GRM8: variants seen among roughly 807,000 people sequenced by gnomAD.
GRM8 encodes the protein metabotropic glutamate receptor 8.
A neutral mutation model predicts 87.2 loss-of-function variants in GRM8; 47 were observed. That is an observed-to-expected ratio of 0.54 (90% CI 0.43 to 0.69). The LOEUF (loss-of-function observed/expected upper bound fraction) is 0.69. Ranked by LOEUF, GRM8 falls within the 30% of genes least tolerant of loss-of-function variation. GRM8 has a pLI of 0.00. For synonymous variants in GRM8, 396 were observed against 404.5 expected (o/e 0.98, Z 0.25); for missense variants, 1,019 against 1,139.2 (o/e 0.89, Z 1.52).
At chr7:126,582,390 C>T (rs1795695284) in intron 8 of GRM8, among the ~76,000 whole-genome samples, 1 of 152,124 alleles carries the variant, frequency 6.6e-6, no homozygotes, top group African/African-American at 2.4e-5. Context: ...TCGAAGACAG[C>T]AGAGGTTTGT....
At chr7:126,581,210 G>A (rs545584282) in intron 8 of GRM8, among the ~76,000 whole-genome samples, 31 of 152,220 alleles carry the variant, frequency 2.0e-4, no homozygotes, top group Non-Finnish European at 4.3e-4. Flanking sequence ...ATCTCCTAAT[G>A]TTCAGAGTCA....
chr7:127,185,939 G>A (rs1330102648), intron 2 of GRM8, among the ~76,000 whole-genome samples: 1 of 152,118 alleles, frequency 6.6e-6, no homozygotes, highest in East Asian at 1.9e-4. Context: ...GGTATTTTGT[G>A]ACTTAATAGT....
chr7:126,745,866 G>A (rs1178789023), intron 7 of GRM8, among the ~76,000 whole-genome samples: 5 of 151,626 alleles, frequency 3.3e-5, no homozygotes, highest in East Asian at 1.9e-4. Flanking sequence ...TTAGAATTAC[G>A]TGTACCTGTA....
At chr7:126,791,581 A>G (rs981147376) in intron 6 of GRM8, among the ~76,000 whole-genome samples, 1 of 152,226 alleles carries the variant, frequency 6.6e-6, no homozygotes, top group African/African-American at 2.4e-5. Context: ...TCTGAAGGGG[A>G]AACTGACTTG....
At position 127,013,002 on chromosome 7, in the gene GRM8, T is replaced by C. The variant is rs115357698; in HGVS notation, c.727+93494A>G. ...GGGGACGAGAAACAGCTTGGGGTCATTGAGGTCATTGCTAAGACAGTGAAC... is the reference window on the plus strand; with the variant it reads ...GGGGACGAGAAACAGCTTGGGGTCACTGAGGTCATTGCTAAGACAGTGAAC... On this transcript the variant is annotated intron_variant, in intron 3 of 10. Transcript: ENST00000339582. 2.2e-3 allele frequency among the ~76,000 whole-genome samples: 328 copies of C among 152,262 alleles called. 3 individuals are homozygous for C. The highest frequency in any genetic ancestry group is 7.5e-3 in the African/African-American group (311 of 41,564).
At chr7:126,838,876 A>G (rs2283078) in intron 6 of GRM8, among the ~76,000 whole-genome samples, 1,834 of 152,276 alleles carry the variant, frequency 0.012, 44 homozygotes, top group East Asian at 0.068. Context: ...GTCTTAAATT[A>G]TTGGAGGACA....
intron 7 of GRM8, among the ~76,000 whole-genome samples, chr7:126,683,337 T>C (rs1408545652): frequency 6.6e-6 from 1 of 152,248 alleles, no homozygotes; most frequent in Non-Finnish European, 1.5e-5. Flanking sequence ...CATTTTCTTC[T>C]CTGTTTGGTG....
chr7:126,718,150 T>C (rs1201862773), intron 7 of GRM8, among the ~76,000 whole-genome samples: 1 of 151,992 alleles, frequency 6.6e-6, no homozygotes, highest in East Asian at 1.9e-4. Context: ...GGCAGGAGAA[T>C]GGCGTGAATC....
At chr7:127,212,578 C>T (rs956839721) in intron 2 of GRM8, among the ~76,000 whole-genome samples, 2 of 151,978 alleles carry the variant, frequency 1.3e-5, no homozygotes, top group East Asian at 1.9e-4. Context: ...CCACTACGTC[C>T]GGCTAATTTT....
intron 3 of GRM8, among the ~76,000 whole-genome samples, chr7:126,993,295 G>C (rs977465065): frequency 3.3e-5 from 5 of 152,038 alleles, no homozygotes; most frequent in African/African-American, 1.2e-4. Flanking sequence ...TCAATCAACA[G>C]GTAAATGGAT....
chr7:126,773,421 A>T (rs1366407003), intron 6 of GRM8, among the ~76,000 whole-genome samples: 1 of 152,122 alleles, frequency 6.6e-6, no homozygotes, highest in Non-Finnish European at 1.5e-5. Context: ...AATTTTTTAC[A>T]ACCCATGGAA....
At chr7:127,087,718 T>G (rs746842889) in intron 3 of GRM8, among the ~76,000 whole-genome samples, 1 of 152,220 alleles carries the variant, frequency 6.6e-6, no homozygotes, top group African/African-American at 2.4e-5. Flanking sequence ...TGCAGCATGC[T>G]CTTAAAAATT....
At chr7:126,669,609 G>T (rs1163786313) in intron 7 of GRM8, among the ~76,000 whole-genome samples, 1 of 152,210 alleles carries the variant, frequency 6.6e-6, no homozygotes, top group Non-Finnish European at 1.5e-5. Flanking sequence ...AATTGGTAAG[G>T]CCTGGGGACT....
At chr7:126,684,537 A>G (rs17691394) in intron 7 of GRM8, among the ~76,000 whole-genome samples, 20,057 of 152,192 alleles carry the variant, frequency 0.13, 1,753 homozygotes, top group Non-Finnish European at 0.17. Flanking sequence ...TAAGACTTCA[A>G]TGGCACCAGG....
At chr7:127,111,127 C>A (rs536142849) in intron 2 of GRM8, 1 of 152,186 alleles carries the variant, frequency 6.6e-6, no homozygotes, top group Non-Finnish European at 1.5e-5. Context: ...CAGGTTCAAG[C>A]TGAATTATCT....
intron 8 of GRM8, among the ~76,000 whole-genome samples, chr7:126,571,565 G>C (rs916121674): frequency 1.6e-4 from 24 of 152,116 alleles, no homozygotes; most frequent in Non-Finnish European, 2.4e-4. Flanking sequence ...GTGTGTGCTG[G>C]CCCTTCCCAT....
chr7:127,189,925 C>A (rs1208648941), intron 2 of GRM8, among the ~76,000 whole-genome samples: 2 of 152,222 alleles, frequency 1.3e-5, no homozygotes, highest in African/African-American at 4.8e-5. Context: ...CAGATATCTA[C>A]TTCCATAATA....
At chr7:126,469,763 C>T (rs143041884) in intron 9 of GRM8, among the ~76,000 whole-genome samples, 11 of 152,178 alleles carry the variant, frequency 7.2e-5, no homozygotes, top group East Asian at 3.9e-4. Context: ...TACCTAGTCT[C>T]GAGTATGTCT....
At chr7:126,505,774 A>T (rs1185893911) in intron 9 of GRM8, among the ~76,000 whole-genome samples, 1 of 152,096 alleles carries the variant, frequency 6.6e-6, no homozygotes, top group Non-Finnish European at 1.5e-5. Context: ...ACGTTTTGAA[A>T]TGATCACCGC....
Sources: gnomAD v4.1 joint callset for allele counts (sites outside exome capture counted in the v4.1 genomes callset) on GRCh38, gnomAD v4.1.1 for gene constraint, MANE v1.5 for transcripts, NCBI Gene and HGNC (gene_info 2026-07-23, HGNC 2026-07-21) for gene names.